CCNJL: variants seen among roughly 807,000 people sequenced by gnomAD.
CCNJL encodes cyclin J like, also known as cyclin-J-like protein.
Under a neutral mutation model 33.4 loss-of-function variants are expected in CCNJL, and 33 were observed. The observed-to-expected ratio is 0.99, with a 90% CI of 0.75 to 1.32. The LOEUF is 1.32. CCNJL is among the 40% of genes most tolerant of loss of function. CCNJL has a pLI of 0.00. For missense variants in CCNJL, 512 were observed against 499.7 expected, an observed-to-expected ratio of 1.02 and a Z score of -0.23; for synonymous variants, 227 against 220.9, an observed-to-expected ratio of 1.03 and a Z score of -0.24.
intron 3 of CCNJL, among the ~76,000 whole-genome samples, chr5:160,273,087 G>T (rs1389061639): frequency 6.6e-6 from 1 of 152,224 alleles, no homozygotes; most frequent in Non-Finnish European, 1.5e-5. Flanking sequence ...TAACCCAGCT[G>T]TGTAAATATA....
At position 160,259,501 on chromosome 5, in the gene CCNJL, T is replaced by C. The variant is rs1180916107; in HGVS notation, c.551A>G (p.Tyr184Cys). 1 of 1,613,920 alleles carries C rather than the reference T, an allele frequency of 6.2e-7. No individual in the cohort carries two copies. The highest frequency in any genetic ancestry group is 8.5e-7 in the Non-Finnish European group (1 of 1,179,956). The change falls in exon 4 of 6, where the codon TAT becomes TGT. Residue 184 changes from tyrosine (Y) to cysteine (C), a missense_variant. Coordinates refer to ENST00000257536, the MANE Select transcript of CCNJL (RefSeq NM_001308173.3). The part of the protein sequence containing the change: ...PRKTKECLKE[Y>C]AHYFLEVTLQ... ...GGTGACCTCTAGGAAGTAATGGGCA[T>C]ACTCCTTGAGGCACTCTTTGGTCTT...
chr5:160,264,263 C>T (rs1204984202), intron 3 of CCNJL, among the ~76,000 whole-genome samples: 2 of 152,098 alleles, frequency 1.3e-5, no homozygotes, highest in Non-Finnish European at 2.9e-5. Context: ...GCATTCTAAA[C>T]CTAGTGAAGC....
chr5:160,334,040 C>G (rs1203766577), intron 1 of CCNJL, among the ~76,000 whole-genome samples: 1 of 152,172 alleles, frequency 6.6e-6, no homozygotes, highest in Admixed American at 6.5e-5. Flanking sequence ...AAAACTCAGA[C>G]TCTGTTGTTA....
At chr5:160,280,869 G>C (rs1167505539) in intron 2 of CCNJL, 131 bp from the exon 3 acceptor site, 3 of 734,576 alleles carry the variant, frequency 4.1e-6, no homozygotes, top group Admixed American at 4.0e-5. Flanking sequence ...TAGTTTTCCT[G>C]CAAGTCCCAG....
chr5:160,278,455 TGG>T (rs1380124956), intron 3 of CCNJL, among the ~76,000 whole-genome samples: 66 of 152,286 alleles, frequency 4.3e-4, no homozygotes, highest in Non-Finnish European at 1.5e-4. Context: ...CACAATGGCC[TGG>T]GGAGAGGGGA....
In CCNJL at chr5:160,286,450, C is replaced by T. The variant is rs546677343; in HGVS notation, c.67-5712G>A. On this transcript the variant is annotated intron_variant, in intron 2 of 5. Coordinates refer to ENST00000257536, the MANE Select transcript of CCNJL (RefSeq NM_001308173.3). The stretch of plus-strand genomic sequence containing the variant: ...GCCAGGAGTTCAAGACCAGCCTGGT[C>T]GTCATGGCAAAACCCCGTCTCTACT... 2.1e-3 allele frequency among the ~76,000 whole-genome samples: 323 copies of T among 152,190 alleles called. 3 individuals carry two copies. The highest frequency in any genetic ancestry group is 7.3e-3 in the African/African-American group (303 of 41,520).
At chr5:160,296,754 T>A (rs1211367072) in intron 2 of CCNJL, among the ~76,000 whole-genome samples, 1 of 152,196 alleles carries the variant, frequency 6.6e-6, no homozygotes, top group African/African-American at 2.4e-5. Flanking sequence ...CTAGCTGCCC[T>A]GGACCCTGCA....
At chr5:160,278,014 TC>T (rs1171769490) in intron 3 of CCNJL, among the ~76,000 whole-genome samples, 1 of 152,182 alleles carries the variant, frequency 6.6e-6, no homozygotes, top group African/African-American at 2.4e-5. Context: ...TTCAAGCGAT[TC>T]TGCTGCCTCA....
At position 160,265,426 on chromosome 5, in the gene CCNJL, A is replaced by G. The variant is rs150967350; in HGVS notation, c.281-5655T>C. Reference sequence around the variant, plus strand: ...ACCGAAGCAGGCGGATCACGAGGTCAGAAGTTCAAGACCAGCCTGTCCAAT... The same window carrying G: ...ACCGAAGCAGGCGGATCACGAGGTCGGAAGTTCAAGACCAGCCTGTCCAAT... On this transcript the variant is annotated intron_variant, in intron 3 of 5. Coordinates refer to ENST00000257536, the MANE Select transcript of CCNJL (RefSeq NM_001308173.3). Among the ~76,000 whole-genome samples, 512 of 152,304 alleles carry G rather than the reference A, an allele frequency of 3.4e-3. 2 individuals carry two copies. Among genetic ancestry groups the G allele is most frequent in the African/African-American group, 0.012 (479 of 41,566 alleles).
At chr5:160,309,502 G>A (rs946548784) in intron 2 of CCNJL, among the ~76,000 whole-genome samples, 5 of 152,276 alleles carry the variant, frequency 3.3e-5, no homozygotes, top group East Asian at 1.9e-4. Flanking sequence ...TGTGTGCCAC[G>A]CTCTTGTAAA....
chr5:160,306,358 T>A (rs1468106101), intron 2 of CCNJL, among the ~76,000 whole-genome samples: 1 of 147,872 alleles, frequency 6.8e-6, no homozygotes, highest in Non-Finnish European at 1.5e-5. Context: ...TGGGAAAAAA[T>A]GCATTAGGTG....
chr5:160,331,684 A>T (rs1298102791), intron 1 of CCNJL, among the ~76,000 whole-genome samples: 2 of 152,060 alleles, frequency 1.3e-5, no homozygotes, highest in East Asian at 3.9e-4. Context: ...TCAACCTTCA[A>T]CCCAGGTTCA....
intron 2 of CCNJL, among the ~76,000 whole-genome samples, chr5:160,290,171 C>T (rs1762537832): frequency 6.6e-6 from 1 of 152,168 alleles, no homozygotes; most frequent in African/African-American, 2.4e-5. Context: ...TCCTGCACTG[C>T]ATTATTTTCT....
chr5:160,263,164 G>C (rs1011809621), intron 3 of CCNJL, among the ~76,000 whole-genome samples: 1 of 152,190 alleles, frequency 6.6e-6, no homozygotes, highest in African/African-American at 2.4e-5. Context: ...GGTGTATTCT[G>C]TCTGTAAATA....
chr5:160,302,396 G>C (rs1762952093), intron 2 of CCNJL, among the ~76,000 whole-genome samples: 1 of 152,074 alleles, frequency 6.6e-6, no homozygotes, highest in Non-Finnish European at 1.5e-5. Context: ...CTATTCATTT[G>C]TTCAATATAA....
chr5:160,261,011 G>GGA (rs1340742979), intron 3 of CCNJL: 3 of 152,348 alleles, frequency 2.0e-5, no homozygotes, highest in African/African-American at 7.2e-5. Flanking sequence ...GAGGCATTGG[G>GGA]GCGGCCCAGC....
At chr5:160,308,787 C>T (rs1763174925) in intron 2 of CCNJL, among the ~76,000 whole-genome samples, 3 of 152,146 alleles carry the variant, frequency 2.0e-5, no homozygotes, top group Non-Finnish European at 4.4e-5. Context: ...AAACAAAAAA[C>T]AGAAAAACAC....
intron 1 of CCNJL, among the ~76,000 whole-genome samples, chr5:160,327,250 C>T (rs1763549716): frequency 6.6e-6 from 1 of 152,200 alleles, no homozygotes; most frequent in Non-Finnish European, 1.5e-5. Context: ...AGTGCCTACC[C>T]TTGGATTGAT....
upstream of CCNJL, among the ~76,000 whole-genome samples, chr5:160,314,025 C>A (rs1386566803): frequency 6.6e-6 from 1 of 152,058 alleles, no homozygotes; most frequent in South Asian, 2.1e-4. Context: ...AAAAATTAGC[C>A]GAGTGTGGTG....
Sources: gnomAD v4.1 joint callset for allele counts (sites outside exome capture counted in the v4.1 genomes callset) on GRCh38, gnomAD v4.1.1 for gene constraint, MANE v1.5 for transcripts, NCBI Gene and HGNC (gene_info 2026-07-23, HGNC 2026-07-21) for gene names.